The following FHIT variants were observed in gnomAD, a reference collection of about 807,000 sequenced individuals.
FHIT encodes fragile histidine triad diadenosine triphosphatase, also known as bis(5'-adenosyl)-triphosphatase.
Under a neutral mutation model 17.9 loss-of-function variants are expected in FHIT, and 19 were observed. The ratio of observed to expected loss-of-function variants is 1.06; its 90% CI spans 0.74 to 1.56. The LOEUF (loss-of-function observed/expected upper bound fraction) is 1.56. Ranked by LOEUF, FHIT falls within the 40% of genes most tolerant of loss-of-function variation. The probability of loss-of-function intolerance (pLI) is 0.00; values close to 1 mark genes in which losing one functional copy is unlikely to be tolerated. For missense variants in FHIT, 248 were observed against 189.2 expected (o/e 1.31, Z -1.82); for synonymous variants, 81 against 69.7 (o/e 1.16, Z -0.81).
At chr3:60,925,078 T>G (rs983616005) in intron 3 of FHIT, among the ~76,000 whole-genome samples, 5 of 152,092 alleles carry the variant, frequency 3.3e-5, no homozygotes, top group African/African-American at 1.2e-4. Context: ...CAAATCTACA[T>G]CTGACTGATG....
intron 1 of FHIT, among the ~76,000 whole-genome samples, chr3:61,204,143 T>A (rs2106701124): frequency 6.6e-6 from 1 of 152,138 alleles, no homozygotes; most frequent in Middle Eastern, 3.4e-3. Context: ...AAGGCAAAAA[T>A]AAATACTGTG....
chr3:60,706,837 T>C (rs1304395544), intron 4 of FHIT, among the ~76,000 whole-genome samples: 2 of 152,228 alleles, frequency 1.3e-5, no homozygotes, highest in African/African-American at 4.8e-5. Flanking sequence ...TGCTTTCAGA[T>C]GAAATTGCAA....
At position 60,988,118 on chromosome 3, in the gene FHIT, A is replaced by T. The variant is rs945091857; in HGVS notation, c.-111+53929T>A. ...AAACAGTTACTGCTTTAAAAATCAG[A>T]TGTTTGTTGGTTGAGATGCTATTAA... is the stretch of plus-strand genomic sequence containing the variant. On this transcript the variant is annotated intron_variant, in intron 3 of 9. Coordinates refer to ENST00000492590, the MANE Select transcript of FHIT (RefSeq NM_002012.4). 2.0e-5 allele frequency among the ~76,000 whole-genome samples: 3 copies of T among 152,316 alleles called. No individual in the cohort carries two copies. In the South Asian group the frequency reaches 6.2e-4, roughly 32 times the overall value.
chr3:60,287,156 T>C (rs1377451250), intron 5 of FHIT, among the ~76,000 whole-genome samples: 2 of 152,192 alleles, frequency 1.3e-5, no homozygotes, highest in Non-Finnish European at 2.9e-5. Context: ...AAGTTTATTA[T>C]GAAGACAAAG....
At chr3:59,970,991 T>A (rs954079164) in intron 7 of FHIT, among the ~76,000 whole-genome samples, 6 of 151,810 alleles carry the variant, frequency 4.0e-5, no homozygotes, top group African/African-American at 1.5e-4. Flanking sequence ...TCAGAATATG[T>A]GTGGACTTGT....
At chr3:60,138,779 G>A (rs1029785468) in intron 5 of FHIT, among the ~76,000 whole-genome samples, 2 of 152,110 alleles carry the variant, frequency 1.3e-5, no homozygotes, top group African/African-American at 2.4e-5. Flanking sequence ...GGATGACCAC[G>A]AGGAGTACCA....
intron 1 of FHIT, among the ~76,000 whole-genome samples, chr3:61,225,416 A>T (rs1190409317): frequency 6.6e-6 from 1 of 152,254 alleles, no homozygotes; most frequent in East Asian, 1.9e-4. Context: ...ACAAATGAAT[A>T]GAATCTGTAA....
In FHIT at chr3:60,963,330, A is replaced by G. The variant is rs1709555253; in HGVS notation, c.-111+78717T>C. ...TTGATTCTTCTCTCTTTTCTTCTTT[A>G]TTAGTCTTGCTAGTGGTCTATCAAT... On this transcript the variant is annotated intron_variant, in intron 3 of 9. Coordinates refer to ENST00000492590, the MANE Select transcript of FHIT (RefSeq NM_002012.4). Among the ~76,000 whole-genome samples the G allele has an allele frequency of 2.0e-5, 3 of 151,640 alleles. No individual in the cohort carries two copies. In the South Asian group the frequency reaches 6.2e-4, roughly 32 times the overall value.
intron 2 of FHIT, among the ~76,000 whole-genome samples, chr3:61,092,696 AAG>A (rs2035523408): frequency 1.3e-5 from 2 of 152,164 alleles, no homozygotes; most frequent in Non-Finnish European, 1.5e-5. Context: ...TTCTCTTAGA[AAG>A]AAATCTCTTT....
At chr3:61,187,164 C>A (rs924744278) in intron 2 of FHIT, among the ~76,000 whole-genome samples, 5 of 152,082 alleles carry the variant, frequency 3.3e-5, no homozygotes, top group Non-Finnish European at 5.9e-5. Context: ...ACTCAATATA[C>A]AAATAATGAT....
chr3:61,135,353 A>G (rs1364265463), intron 2 of FHIT, among the ~76,000 whole-genome samples: 1 of 152,366 alleles, frequency 6.6e-6, no homozygotes, highest in East Asian at 1.9e-4. Flanking sequence ...GGTCAAGGGC[A>G]TATTAACCAC....
At chr3:60,644,274 C>T (rs62249152) in intron 4 of FHIT, among the ~76,000 whole-genome samples, 1 of 151,752 alleles carries the variant, frequency 6.6e-6, no homozygotes, top group African/African-American at 2.4e-5. Flanking sequence ...AGGTGTTTGC[C>T]CCACAATATT....
At chr3:60,328,165 T>C (rs1003542483) in intron 5 of FHIT, among the ~76,000 whole-genome samples, 21 of 952 alleles carry the variant, frequency 0.022, no homozygotes, top group Non-Finnish European at 0.037. Flanking sequence ...ATGTAGTCTA[T>C]TGGAAAAGTT....
At chr3:61,145,728 T>G (rs1372270078) in intron 2 of FHIT, among the ~76,000 whole-genome samples, 1 of 148,318 alleles carries the variant, frequency 6.7e-6, no homozygotes, top group Non-Finnish European at 1.5e-5. Flanking sequence ...CATCTTATAC[T>G]TCTGTTAAGT....
At chr3:60,994,915 T>A (rs1262765616) in intron 3 of FHIT, among the ~76,000 whole-genome samples, 9 of 152,226 alleles carry the variant, frequency 5.9e-5, no homozygotes, top group Admixed American at 5.2e-4. Context: ...TGCCAGGTTT[T>A]CCAATTTTCT....
intron 3 of FHIT, among the ~76,000 whole-genome samples, chr3:60,833,494 T>C (rs1702407465): frequency 6.6e-6 from 1 of 152,266 alleles, no homozygotes. Flanking sequence ...CCCTGGCCTT[T>C]TAAGGCAGCT....
chr3:60,828,306 GTCA>G lies in FHIT; in HGVS notation c.-110-6298_-110-6296del, dbSNP rs781898776. 4.9e-4 allele frequency among the ~76,000 whole-genome samples: 75 copies of G among 151,940 alleles called. 1 individual carries two copies. The highest frequency in any genetic ancestry group is 9.9e-4 in the Non-Finnish European group (67 of 67,966). On this transcript the variant is annotated intron_variant, in intron 3 of 9. Transcript: ENST00000492590. ...CCATTTTAACATTATCATTATATAT[GTCA>G]TCATTATTATTATATTTAACCTTAC... is the stretch of plus-strand genomic sequence containing the variant.
At chr3:60,706,602 G>C (rs534198807) in intron 4 of FHIT, among the ~76,000 whole-genome samples, 303 of 152,174 alleles carry the variant, frequency 2.0e-3, no homozygotes, top group Middle Eastern at 0.01. Flanking sequence ...TTAAACGTTT[G>C]GGAACAGAGA....
intron 8 of FHIT, among the ~76,000 whole-genome samples, chr3:59,850,930 C>T (rs556501796): frequency 1.7e-4 from 26 of 152,306 alleles, no homozygotes; most frequent in Middle Eastern, 6.8e-3. Context: ...AGCTCCCCTT[C>T]GAGGGAATAA....
Sources: gnomAD v4.1 joint callset for allele counts (sites outside exome capture counted in the v4.1 genomes callset) on GRCh38, gnomAD v4.1.1 for gene constraint, MANE v1.5 for transcripts, NCBI Gene and HGNC (gene_info 2026-07-23, HGNC 2026-07-21) for gene names.